Variants in GPR180 observed in about 807,000 individuals in gnomAD.
GPR180 encodes integral membrane protein GPR180.
In GPR180, 53 loss-of-function variants were observed where a neutral mutation model predicts 52.6. The ratio of observed to expected loss-of-function variants is 1.01; its 90% CI spans 0.81 to 1.27. The LOEUF is 1.27. Ranked by LOEUF, GPR180 falls within the 50% of genes most tolerant of loss-of-function variation. The pLI is 0.00. For missense variants in GPR180, 533 were observed against 527.0 expected, an observed-to-expected ratio of 1.01 and a Z score of -0.11; for synonymous variants, 200 against 193.1, an observed-to-expected ratio of 1.04 and a Z score of -0.30.
chr13:94,622,504 G>A (rs12430117), intron 6 of GPR180, among the ~76,000 whole-genome samples: 5 of 152,092 alleles, frequency 3.3e-5, no homozygotes, highest in African/African-American at 9.7e-5. Flanking sequence ...AAATACATAC[G>A]TATTTTATAC....
intron 3 of GPR180, among the ~76,000 whole-genome samples, chr13:94,615,804 G>T (rs559360486): frequency 6.6e-6 from 1 of 152,160 alleles, no homozygotes; most frequent in African/African-American, 2.4e-5. Context: ...TAGCAGCTAT[G>T]TTCATTCTTT....
At chr13:94,613,612 A>T (rs1490765781) in intron 3 of GPR180, among the ~76,000 whole-genome samples, 1 of 151,932 alleles carries the variant, frequency 6.6e-6, no homozygotes, top group Admixed American at 6.6e-5. Context: ...GGTTAATTTG[A>T]AGTTCTTTCT....
intron 6 of GPR180, 96 bp from the exon 7 acceptor site, chr13:94,623,013 A>G (rs1030878398): frequency 7.2e-6 from 6 of 834,636 alleles, no homozygotes; most frequent in Non-Finnish European, 9.4e-6. Flanking sequence ...GAATGTTTAT[A>G]TAACATTTAA....
In GPR180 at chr13:94,619,489, G is replaced by A. The variant is rs768458574; in HGVS notation, c.708G>A (p.Gly236=). 2.2e-5 allele frequency: 35 copies of A among 1,613,226 alleles called. No homozygotes were observed. The highest frequency in any genetic ancestry group is 2.9e-5 in the Non-Finnish European group (34 of 1,179,568). The change falls in exon 5 of 9, where the codon GGG becomes GGA. Residue 236 remains glycine, a synonymous_variant. Transcript: ENST00000376958. ...TCAGTTACTCCAAAGATGGAATAGG[G>A]GTACCATTTATGGGAAGTTTGGCAG... ...HFSSYSKDGI[G]VPFMGSLAEF...
chr13:94,604,126 G>C (rs1889596479), intron 1 of GPR180, among the ~76,000 whole-genome samples: 1 of 152,000 alleles, frequency 6.6e-6, no homozygotes, highest in Admixed American at 6.6e-5. Flanking sequence ...CTGAGGTCAG[G>C]AGTTAAAGAC....
intron 3 of GPR180, among the ~76,000 whole-genome samples, chr13:94,615,995 G>A (rs374252829): frequency 1.3e-5 from 2 of 152,134 alleles, no homozygotes; most frequent in Admixed American, 6.5e-5. Context: ...GAAGTTTTGC[G>A]GCTTCTCCAG....
rs1408080428 is a variant in GPR180 at position 94,605,550 on chromosome 13, G to A, written c.304+1G>A. The A allele has an allele frequency of 6.2e-7, 1 of 1,610,238 alleles. No homozygotes were observed. The highest frequency in any genetic ancestry group is 8.5e-7 in the Non-Finnish European group (1 of 1,177,600). ...AAATTATCCAAAGCTCAGTTGACAA[G>A]TGAGTATATCCTTTTTTCTTTGATC... On this transcript the variant is annotated splice_donor_variant, in intron 2 of 8. Transcript: ENST00000376958. LOFTEE classifies it high-confidence loss of function.
intron 7 of GPR180, among the ~76,000 whole-genome samples, chr13:94,624,045 G>A (rs1417658319): frequency 1.3e-5 from 2 of 152,218 alleles, no homozygotes; most frequent in East Asian, 3.8e-4. Flanking sequence ...AGGAGGCTGA[G>A]TCCATGTGTT....
chr13:94,620,142 C>G lies in GPR180; in HGVS notation c.736+625C>G, dbSNP rs575016961. Reference sequence around the variant, plus strand: ...GGGCTCAGTGATGTGAAACATACTTCCACATGTCAGTCAGCTATTGAGTGG... The same window carrying G: ...GGGCTCAGTGATGTGAAACATACTTGCACATGTCAGTCAGCTATTGAGTGG... On this transcript the variant is annotated intron_variant, in intron 5 of 8. Coordinates refer to ENST00000376958, the MANE Select transcript of GPR180 (RefSeq NM_180989.6). 1.1e-4 allele frequency among the ~76,000 whole-genome samples: 16 copies of G among 152,292 alleles called. No homozygotes were observed. The South Asian group carries it at 3.3e-3, about 32-fold the overall frequency.
chr13:94,625,582 T>C (rs1339955323), intron 7 of GPR180, among the ~76,000 whole-genome samples: 1 of 152,192 alleles, frequency 6.6e-6, no homozygotes, highest in Non-Finnish European at 1.5e-5. Context: ...TTTTTGTGTA[T>C]TTTTACAGGA....
intron 3 of GPR180, among the ~76,000 whole-genome samples, chr13:94,612,607 CAGAA>C (rs772892292): frequency 6.6e-5 from 10 of 152,078 alleles, no homozygotes; most frequent in Non-Finnish European, 1.3e-4. Flanking sequence ...AAGAATAAAA[CAGAA>C]AGAAGCACAA....
chr13:94,612,303 C>T lies in GPR180; in HGVS notation c.418C>T (p.Gln140Ter). The change falls in exon 3 of 9, where the codon CAG becomes TAG. Residue 140 changes from glutamine (Q) to a stop codon, truncating the protein, a stop_gained. Transcript: ENST00000376958. LOFTEE classifies it high-confidence loss of function. ...YTCQDDKENSQVEDIPFEMVL... is the reference protein window; with the variant it reads ...YTCQDDKENS ...ATGCCAAGATGACAAGGAGAATTCT[C>T]AGGTGGAAGATATCCCATTTGAAAT... 6.2e-7 allele frequency: 1 copy of T among 1,613,752 alleles called. No individual in the cohort carries two copies. Among genetic ancestry groups the T allele is most frequent in the Non-Finnish European group, 8.5e-7 (1 of 1,179,718 alleles).
chr13:94,606,360 G>T (rs1889630466), intron 2 of GPR180, among the ~76,000 whole-genome samples: 1 of 152,222 alleles, frequency 6.6e-6, no homozygotes, highest in African/African-American at 2.4e-5. Flanking sequence ...TGCCTCTAGA[G>T]AGGCTGTACT....
Position 94,631,295 on chromosome 13 carries a change from C to G in GPR180, c.*4124C>G, listed in dbSNP as rs868614733. 1.3e-5 allele frequency: 2 copies of G among 152,178 alleles called. No individual in the cohort carries two copies. Among genetic ancestry groups the G allele is most frequent in the African/African-American group, 2.4e-5 (1 of 41,414 alleles). 9.4% of individuals were successfully genotyped at this position (152,178 alleles called of 1,614,324 possible). A position where few individuals can be genotyped will look rare whatever the true frequency, so the allele number is the denominator to read the frequency against. On this transcript the variant is annotated 3_prime_UTR_variant, in exon 9 of 9. Coordinates refer to ENST00000376958, the MANE Select transcript of GPR180 (RefSeq NM_180989.6). ...CATCCTAGCAAGTTCCTTGCTTCCC[C>G]CATTTCCCATGTCTTCCCTTTCCAA... is the stretch of plus-strand genomic sequence containing the variant.
intron 3 of GPR180, among the ~76,000 whole-genome samples, chr13:94,618,581 T>A (rs1355782811): frequency 6.6e-6 from 1 of 152,006 alleles, no homozygotes; most frequent in East Asian, 1.9e-4. Context: ...ATCAGAATCA[T>A]GCTTAGGGCT....
In GPR180 at chr13:94,634,188, A is replaced by G. The variant is rs1890035619; in HGVS notation, c.*7017A>G. On this transcript the variant is annotated 3_prime_UTR_variant, in exon 9 of 9. Coordinates refer to ENST00000376958, the MANE Select transcript of GPR180 (RefSeq NM_180989.6). ...CAAAAGAAAAAAAATCCTGTTTAGTATTCTTAGTGGAATGAATTAAATTTC... is the reference window on the plus strand; with the variant it reads ...CAAAAGAAAAAAAATCCTGTTTAGTGTTCTTAGTGGAATGAATTAAATTTC... 6.6e-6 allele frequency: 1 copy of G among 152,118 alleles called. No homozygotes were observed. The highest frequency in any genetic ancestry group is 6.5e-5 in the Admixed American group (1 of 15,272). The allele number at this position is 152,118 out of a possible 1,614,324, so 9.4% of individuals were successfully genotyped here.
At chr13:94,610,886 A>T (rs528521606) in intron 2 of GPR180, among the ~76,000 whole-genome samples, 15 of 152,328 alleles carry the variant, frequency 9.8e-5, no homozygotes, top group African/African-American at 3.6e-4. Flanking sequence ...GGAGGAAAGG[A>T]GATTACCCTG....
chr13:94,610,712 A>C (rs781016532), intron 2 of GPR180, among the ~76,000 whole-genome samples: 2 of 152,236 alleles, frequency 1.3e-5, no homozygotes, highest in African/African-American at 4.8e-5. Context: ...TAATAGTTTT[A>C]GGTCCAGAAG....
At chr13:94,623,636 G>C (rs1889884542) in intron 7 of GPR180, among the ~76,000 whole-genome samples, 1 of 151,450 alleles carries the variant, frequency 6.6e-6, no homozygotes, top group African/African-American at 2.4e-5. Flanking sequence ...GCCAAGATTG[G>C]GCCACTGCAC....
Sources: allele counts gnomAD v4.1 joint callset (sites outside exome capture counted in the v4.1 genomes callset), GRCh38; gene constraint gnomAD v4.1.1; transcripts MANE v1.5; gene names NCBI Gene and HGNC (gene_info 2026-07-23, HGNC 2026-07-21).